CFDP1: variants seen among roughly 807,000 people sequenced by gnomAD.
The protein encoded by CFDP1 is chromatin remodeling protein CFDP1.
A neutral mutation model predicts 40.1 loss-of-function variants in CFDP1; 31 were observed. The ratio of observed to expected loss-of-function variants is 0.77; its 90% CI spans 0.58 to 1.04. The LOEUF is 1.04. CFDP1 is among the 50% of genes least tolerant of loss of function. CFDP1 has a pLI of 0.00. For missense variants in CFDP1, 423 were observed against 343.4 expected (o/e 1.23, Z -1.83); for synonymous variants, 167 against 120.0 (o/e 1.39, Z -2.56).
chr16:75,334,706 G>A (rs367925861), intron 5 of CFDP1, among the ~76,000 whole-genome samples: 20 of 152,260 alleles, frequency 1.3e-4, no homozygotes, highest in African/African-American at 4.1e-4. Flanking sequence ...TGTAATTGCA[G>A]CACTTTGGGA....
At chr16:75,349,674 A>ATATATATATATAT (rs2078595517) in intron 5 of CFDP1, among the ~76,000 whole-genome samples, 1 of 5,892 alleles carries the variant, frequency 1.7e-4, no homozygotes, top group Non-Finnish European at 3.0e-4. Flanking sequence ...AAAAAAAAAA[A>ATATATATATATAT]AAAAAAAAAA....
intron 5 of CFDP1, among the ~76,000 whole-genome samples, chr16:75,362,661 G>C (rs549019642): frequency 6.6e-6 from 1 of 151,752 alleles, no homozygotes; most frequent in African/African-American, 2.4e-5. Flanking sequence ...ATTCCTTCAG[G>C]TGTTATAAAA....
intron 5 of CFDP1, among the ~76,000 whole-genome samples, chr16:75,309,819 CA>C (rs1156624164): frequency 0.026 from 1,209 of 46,374 alleles, 5 homozygotes; most frequent in African/African-American, 0.079. Flanking sequence ...GACTCCATCT[CA>C]AAAAAAAAAA....
intron 6 of CFDP1, among the ~76,000 whole-genome samples, chr16:75,304,539 C>T (rs2078244615): frequency 6.6e-6 from 1 of 152,144 alleles, no homozygotes; most frequent in South Asian, 2.1e-4. Context: ...TGGCCTATCA[C>T]ACAGGCTATA....
intron 6 of CFDP1, among the ~76,000 whole-genome samples, chr16:75,296,668 G>A (rs2078184566): frequency 6.6e-6 from 1 of 152,236 alleles, no homozygotes; most frequent in Non-Finnish European, 1.5e-5. Flanking sequence ...CCCAGGTTGG[G>A]TGCTAAACAG....
intron 4 of CFDP1, among the ~76,000 whole-genome samples, chr16:75,398,909 T>C (rs1458621778): frequency 2.6e-5 from 4 of 151,612 alleles, no homozygotes; most frequent in Non-Finnish European, 5.9e-5. Context: ...CAAAAAAAAT[T>C]AGCCAGGCAT....
At chr16:75,339,274 G>A (rs2078510385) in intron 5 of CFDP1, among the ~76,000 whole-genome samples, 1 of 152,042 alleles carries the variant, frequency 6.6e-6, no homozygotes, top group Non-Finnish European at 1.5e-5. Flanking sequence ...TATCCATTCT[G>A]CTACTCAACC....
At chr16:75,374,048 T>C (rs557535404) in intron 5 of CFDP1, among the ~76,000 whole-genome samples, 3 of 148,548 alleles carry the variant, frequency 2.0e-5, no homozygotes, top group South Asian at 4.3e-4. Flanking sequence ...AGGTAAGGAG[T>C]TCAAGACAAG....
Position 75,427,316 on chromosome 16 carries a change from T to C in CFDP1, c.64+5973A>G, listed in dbSNP as rs182762976. Among the ~76,000 whole-genome samples the C allele has an allele frequency of 3.1e-3, 478 of 152,012 alleles. 1 individual carries two copies. The highest frequency in any genetic ancestry group is 5.5e-3 in the Non-Finnish European group (374 of 67,952). ...CCCAGGCTGGAGTGCAGTGGCACAA[T>C]TCCGGCTCACTGCAACCTCCACCTC... On this transcript the variant is annotated intron_variant, in intron 1 of 6. Coordinates refer to ENST00000283882, the MANE Select transcript of CFDP1 (RefSeq NM_006324.3).
chr16:75,349,679 A>AT (rs1213876722), intron 5 of CFDP1, among the ~76,000 whole-genome samples: 81 of 77,388 alleles, frequency 1.0e-3, no homozygotes, highest in African/African-American at 1.3e-3. Flanking sequence ...AAAAAAAAAA[A>AT]AAAAAAAAAA....
At chr16:75,397,194 G>T (rs561454165) in intron 4 of CFDP1, among the ~76,000 whole-genome samples, 28 of 151,592 alleles carry the variant, frequency 1.8e-4, no homozygotes, top group African/African-American at 2.7e-4. Flanking sequence ...GATTACAGGC[G>T]TGAGCCACTG....
chr16:75,423,473 G>C (rs1258638505), intron 1 of CFDP1, among the ~76,000 whole-genome samples: 1 of 151,826 alleles, frequency 6.6e-6, no homozygotes, highest in African/African-American at 2.4e-5. Context: ...ACTAATTTTT[G>C]TATTTTTAGT....
At position 75,360,130 on chromosome 16, in the gene CFDP1, A is replaced by C. The variant is rs544519482; in HGVS notation, c.650+34960T>G. ...CTGTCTTGAACTTCTGGCCTCAAGCAATCCTCCCATCCTGGCCTCCCAAAA... is the reference window on the plus strand; with the variant it reads ...CTGTCTTGAACTTCTGGCCTCAAGCCATCCTCCCATCCTGGCCTCCCAAAA... On this transcript the variant is annotated intron_variant, in intron 5 of 6. Transcript: ENST00000283882. Among the ~76,000 whole-genome samples, 20 of 152,224 alleles carry C rather than the reference A, an allele frequency of 1.3e-4. No homozygotes were observed. In the South Asian group the frequency reaches 4.1e-3, roughly 32 times the overall value.
intron 4 of CFDP1, chr16:75,409,243 A>C (rs1263586135): frequency 6.6e-6 from 1 of 152,176 alleles, no homozygotes; most frequent in Non-Finnish European, 1.5e-5. Context: ...TATAATTACA[A>C]AATTCTTTTC....
intron 1 of CFDP1, among the ~76,000 whole-genome samples, chr16:75,415,098 C>G (rs1597397228): frequency 1.3e-5 from 2 of 152,190 alleles, no homozygotes; most frequent in African/African-American, 4.8e-5. Context: ...TGATGCACTA[C>G]CTCATCTTGG....
intron 5 of CFDP1, among the ~76,000 whole-genome samples, chr16:75,381,593 A>G (rs1208550902): frequency 6.6e-6 from 1 of 152,198 alleles, no homozygotes. Context: ...AGATGAGAAC[A>G]CTAGACTGGA....
chr16:75,410,614 C>T (rs1841967962), intron 4 of CFDP1, among the ~76,000 whole-genome samples: 1 of 147,382 alleles, frequency 6.8e-6, no homozygotes. Context: ...TCTACTAAAA[C>T]TACAAAAAAA....
At chr16:75,318,661 C>T (rs1196051353) in intron 5 of CFDP1, among the ~76,000 whole-genome samples, 1 of 152,128 alleles carries the variant, frequency 6.6e-6, no homozygotes, top group Non-Finnish European at 1.5e-5. Flanking sequence ...GCCTTGGCCT[C>T]CCAAAGTGCT....
intron 5 of CFDP1, among the ~76,000 whole-genome samples, chr16:75,369,462 G>C (rs1187276482): frequency 1.3e-5 from 2 of 152,006 alleles, no homozygotes; most frequent in Middle Eastern, 3.5e-3. Flanking sequence ...ATTCTAGCTA[G>C]ATGCAGGCTT....
Sources: gnomAD v4.1 joint callset for allele counts (sites outside exome capture counted in the v4.1 genomes callset) on GRCh38, gnomAD v4.1.1 for gene constraint, MANE v1.5 for transcripts, NCBI Gene and HGNC (gene_info 2026-07-23, HGNC 2026-07-21) for gene names.